Variants in DRD2 observed in about 807,000 individuals in gnomAD.
The protein encoded by DRD2 is dopamine receptor D2.
Under a neutral mutation model 38.0 loss-of-function variants are expected in DRD2, and 8 were observed. The ratio of observed to expected loss-of-function variants is 0.21; its 90% CI spans 0.12 to 0.38. The LOEUF (loss-of-function observed/expected upper bound fraction) is 0.38, where lower values mean the gene tolerates loss of function less well. Among genes scored for constraint, DRD2 ranks in the 10% least tolerant of loss-of-function variants. DRD2 has a pLI of 1.00. For synonymous variants in DRD2, 230 were observed against 238.6 expected, an observed-to-expected ratio of 0.96 and a Z score of 0.33; for missense variants, 403 against 607.7, an observed-to-expected ratio of 0.66 and a Z score of 3.54.
intron 1 of DRD2, among the ~76,000 whole-genome samples, chr11:113,434,588 G>A (rs2138196328): frequency 6.6e-6 from 1 of 152,308 alleles, no homozygotes; most frequent in East Asian, 1.9e-4. Context: ...AGAAGAAGAG[G>A]CACACAGATG....
rs1164308650 is a variant in DRD2 at position 113,413,000 on chromosome 11, A to C, written c.811-117T>G. On this transcript the variant is annotated intron_variant, in intron 6 of 7. Transcript: ENST00000362072. ...AGACTCCTGCAAACACCACAGGGTC[A>C]CCCTGCCAGGGAGGCAAGGATGTCA... The C allele has an allele frequency of 1.6e-5, 19 of 1,195,118 alleles. 1 individual carries two copies. In the Admixed American group the frequency reaches 4.1e-4, roughly 26 times the overall value. 74.0% of individuals were successfully genotyped at this position (1,195,118 alleles called of 1,614,324 possible). A position where few individuals can be genotyped will look rare whatever the true frequency, so the allele number is the denominator to read the frequency against.
At chr11:113,456,046 T>C (rs1002379099) in intron 1 of DRD2, among the ~76,000 whole-genome samples, 5 of 152,058 alleles carry the variant, frequency 3.3e-5, no homozygotes, top group Admixed American at 6.6e-5. Context: ...TAAGTGCCCA[T>C]CAACAGATAA....
intron 1 of DRD2, among the ~76,000 whole-genome samples, chr11:113,432,309 TC>T (rs1950994978): frequency 6.6e-6 from 1 of 151,596 alleles, no homozygotes; most frequent in African/African-American, 2.4e-5. Flanking sequence ...TCTCTCTCTC[TC>T]TCTCTCTCTC....
intron 1 of DRD2, among the ~76,000 whole-genome samples, chr11:113,435,015 T>A (rs1293440991): frequency 6.6e-6 from 1 of 152,166 alleles, no homozygotes; most frequent in African/African-American, 2.4e-5. Flanking sequence ...AGGGCTCTCA[T>A]CCCAGACAAC....
At chr11:113,461,995 C>A (rs1438957584) in intron 1 of DRD2, among the ~76,000 whole-genome samples, 1 of 152,186 alleles carries the variant, frequency 6.6e-6, no homozygotes, top group African/African-American at 2.4e-5. Flanking sequence ...CTTCCCCTCT[C>A]TTCCTCCAAA....
chr11:113,414,742 C>G (rs1379198075), intron 5 of DRD2, among the ~76,000 whole-genome samples: 1 of 152,226 alleles, frequency 6.6e-6, no homozygotes, highest in East Asian at 1.9e-4. Flanking sequence ...GTGGAATCCT[C>G]AAGACCACCC....
chr11:113,464,039 G>T (rs1235259227), intron 1 of DRD2, among the ~76,000 whole-genome samples: 1 of 152,194 alleles, frequency 6.6e-6, no homozygotes, highest in African/African-American at 2.4e-5. Context: ...GATGTCCACA[G>T]ATCCATTTTC....
At chr11:113,452,285 G>A (rs779700686) in intron 1 of DRD2, among the ~76,000 whole-genome samples, 9 of 152,096 alleles carry the variant, frequency 5.9e-5, no homozygotes, top group African/African-American at 9.7e-5. Context: ...GGGGCCGGTG[G>A]ATCCTTTATG....
intron 1 of DRD2, among the ~76,000 whole-genome samples, chr11:113,473,032 G>T (rs1196853264): frequency 2.0e-5 from 3 of 152,144 alleles, no homozygotes; most frequent in Admixed American, 2.0e-4. Flanking sequence ...AACAGCAGGA[G>T]ACAAAGGGTG....
intron 2 of DRD2, among the ~76,000 whole-genome samples, chr11:113,419,330 C>T (rs1224552753): frequency 6.6e-6 from 1 of 152,150 alleles, no homozygotes; most frequent in South Asian, 2.1e-4. Flanking sequence ...GAGGAACACC[C>T]GAGTGGGCTG....
chr11:113,427,865 T>C (rs1336108306), intron 1 of DRD2, among the ~76,000 whole-genome samples: 1 of 152,192 alleles, frequency 6.6e-6, no homozygotes, highest in Non-Finnish European at 1.5e-5. Context: ...GAGTTGATTA[T>C]GTTAAAATGA....
chr11:113,415,656 C>T (rs1030596917), intron 4 of DRD2, 45 bp from the exon 5 acceptor site: 1 of 1,569,892 alleles, frequency 6.4e-7, no homozygotes, highest in African/African-American at 1.4e-5. Flanking sequence ...AGCGGGCCCA[C>T]CGGCCATAAT....
intron 1 of DRD2, among the ~76,000 whole-genome samples, chr11:113,449,517 T>C (rs142699442): frequency 5.1e-4 from 78 of 152,246 alleles, no homozygotes; most frequent in South Asian, 8.3e-4. Context: ...GAGCAGATCA[T>C]GTGAGCCAAG....
chr11:113,470,021 A>G (rs1384383370), intron 1 of DRD2, among the ~76,000 whole-genome samples: 2 of 152,204 alleles, frequency 1.3e-5, no homozygotes, highest in South Asian at 4.1e-4. Flanking sequence ...TATGATGATG[A>G]GGCCAGCAAA....
intron 2 of DRD2, among the ~76,000 whole-genome samples, chr11:113,419,908 C>T (rs2138171598): frequency 6.6e-6 from 1 of 152,366 alleles, no homozygotes; most frequent in Admixed American, 6.5e-5. Context: ...CACTGTCTTC[C>T]TGGGAGCTCA....
At chr11:113,458,544 A>G (rs554525325) in intron 1 of DRD2, among the ~76,000 whole-genome samples, 2 of 152,336 alleles carry the variant, frequency 1.3e-5, no homozygotes, top group East Asian at 3.9e-4. Context: ...TAAAGCACTA[A>G]TTTATTTGAA....
intron 1 of DRD2, among the ~76,000 whole-genome samples, chr11:113,441,047 G>A (rs1307650287): frequency 6.6e-6 from 1 of 152,168 alleles, no homozygotes; most frequent in Non-Finnish European, 1.5e-5. Context: ...TTGACAGAGA[G>A]AGCTTTGATG....
chr11:113,410,981 C>G lies in DRD2; in HGVS notation c.1139-61G>C, dbSNP rs1376789161. 5 of 1,555,420 alleles carry G rather than the reference C, an allele frequency of 3.2e-6. No homozygotes were observed. The Admixed American group carries it at 8.7e-5, about 27-fold the overall frequency. ...GCCGGGGAGGCACGGCTGGGAACAC[C>G]CACACCCAGTGCGCCCTGGCTCGTA... On this transcript the variant is annotated intron_variant, in intron 7 of 7. Transcript: ENST00000362072.
At chr11:113,465,130 C>T (rs1267117786) in intron 1 of DRD2, among the ~76,000 whole-genome samples, 2 of 149,564 alleles carry the variant, frequency 1.3e-5, no homozygotes, top group African/African-American at 2.5e-5. Flanking sequence ...TTTTTTGAGA[C>T]AGTCTCACTA....
Sources: gnomAD v4.1 joint callset for allele counts (sites outside exome capture counted in the v4.1 genomes callset) on GRCh38, gnomAD v4.1.1 for gene constraint, MANE v1.5 for transcripts, NCBI Gene and HGNC (gene_info 2026-07-23, HGNC 2026-07-21) for gene names.